Variants in TP53I13 observed in about 807,000 individuals in gnomAD.
TP53I13 encodes tumor protein p53 inducible protein 13, also known as tumor protein p53-inducible protein 13.
In TP53I13, 27 loss-of-function variants were observed where a neutral mutation model predicts 39.1. The ratio of observed to expected loss-of-function variants is 0.69; its 90% CI spans 0.51 to 0.95. TP53I13 has a LOEUF of 0.95. Ranked by LOEUF, TP53I13 falls within the 40% of genes least tolerant of loss-of-function variation. The probability of loss-of-function intolerance (pLI) is 0.00; values close to 1 mark genes in which losing one functional copy is unlikely to be tolerated. For missense variants in TP53I13, 544 were observed against 520.4 expected (o/e 1.05, Z -0.44); for synonymous variants, 230 against 224.6 (o/e 1.02, Z -0.22).
intron 3 of TP53I13, chr17:29,570,528 A>G (rs1209842105): frequency 2.0e-5 from 3 of 151,752 alleles, no homozygotes; most frequent in African/African-American, 4.8e-5. Flanking sequence ...AATTCTCTGT[A>G]ATAGCTCCAG....
the TP53I13 span, among the ~76,000 whole-genome samples, chr17:29,580,592 G>T: frequency 6.6e-6 from 1 of 152,096 alleles, no homozygotes; most frequent in Non-Finnish European, 1.5e-5. Context: ...CAGCCTCAGC[G>T]CACGTGCCTA....
At position 29,572,954 on chromosome 17, in the gene TP53I13, G is replaced by T; in HGVS notation, c.*30G>T. Reference sequence around the variant, plus strand: ...CTGGGACCTGCCACTGTGGCGTGCGGCTCCTCCCCGCGCCGCGAGGCCGCG... The same window carrying T: ...CTGGGACCTGCCACTGTGGCGTGCGTCTCCTCCCCGCGCCGCGAGGCCGCG... On this transcript the variant is annotated 3_prime_UTR_variant, in exon 7 of 7. Coordinates refer to ENST00000301057, the MANE Select transcript of TP53I13 (RefSeq NM_138349.4). The T allele has an allele frequency of 1.4e-6, 2 of 1,380,124 alleles. No individual in the cohort carries two copies. The highest frequency in any genetic ancestry group is 1.9e-6 in the Non-Finnish European group (2 of 1,071,560). The allele number at this position is 1,380,124 out of a possible 1,614,324, so 85.5% of individuals were successfully genotyped here.
At chr17:29,576,551 T>C, downstream of TP53I13, 3 of 1,613,948 alleles carry the variant, frequency 1.9e-6, no homozygotes, top group South Asian at 1.1e-5. Flanking sequence ...AGCTCGTCGC[T>C]CAGGCTACTG....
chr17:29,581,401 C>G, the TP53I13 span: 6 of 1,603,770 alleles, frequency 3.7e-6, no homozygotes, highest in Middle Eastern at 1.7e-4. The surrounding 1 kb of genome is among the most constrained non-coding windows in gnomAD (Gnocchi z 4.8). Context: ...ATAAAAATGC[C>G]AAGTCACTCA....
At chr17:29,566,324 G>A (rs1385573372), upstream of TP53I13, 2 of 1,611,534 alleles carry the variant, frequency 1.2e-6, no homozygotes, top group East Asian at 4.5e-5. Context: ...GCCTCCTTGA[G>A]GTCGGACGGG....
chr17:29,581,296 C>T, the TP53I13 span: 6 of 1,524,258 alleles, frequency 3.9e-6, no homozygotes, highest in Admixed American at 8.3e-5. This position sits in a 1 kb window ranked among gnomAD's most constrained non-coding sequence, Gnocchi z 4.8. Flanking sequence ...ACCCACATGG[C>T]ATCCAACAGC....
chr17:29,566,883 G>T, upstream of TP53I13: 1 of 1,498,088 alleles, frequency 6.7e-7, no homozygotes, highest in South Asian at 1.2e-5. Flanking sequence ...CGCGCCCCCA[G>T]GGTCCCCGGA....
At chr17:29,580,867 A>AC in the TP53I13 span, among the ~76,000 whole-genome samples, 1 of 147,652 alleles carries the variant, frequency 6.8e-6, no homozygotes, top group African/African-American at 2.5e-5. Flanking sequence ...CGCAACCTCT[A>AC]CCTCCTGTGT....
upstream of TP53I13, chr17:29,566,382 G>T (rs1164667895): frequency 3.1e-6 from 5 of 1,610,916 alleles, no homozygotes; most frequent in African/African-American, 1.3e-5. Context: ...AACCGTGGTG[G>T]CCGCGGCGAT....
downstream of TP53I13, chr17:29,576,618 C>G (rs769868883): frequency 1.3e-5 from 21 of 1,613,922 alleles, no homozygotes; most frequent in Non-Finnish European, 1.7e-5. Flanking sequence ...CCTTCTTCAG[C>G]TCCAGGTACT....
the TP53I13 span, chr17:29,581,169 A>C: frequency 1.6e-6 from 1 of 629,712 alleles, no homozygotes; most frequent in Admixed American, 2.5e-5. The surrounding 1 kb of genome is among the most constrained non-coding windows in gnomAD (Gnocchi z 4.8). Context: ...GACATTTTTT[A>C]CCTGCCTTGG....
chr17:29,577,265 C>T (rs200315074), downstream of TP53I13: 1,054 of 1,606,210 alleles, frequency 6.6e-4, 11 homozygotes, highest in South Asian at 5.7e-3. Flanking sequence ...GCAGAAAGGG[C>T]CAGGCTGGCT....
downstream of TP53I13, chr17:29,573,983 T>TC (rs2033085358): frequency 6.6e-6 from 1 of 152,424 alleles, no homozygotes; most frequent in African/African-American, 2.4e-5. Flanking sequence ...CCCATGCTGG[T>TC]CCCACTGCTC....
At chr17:29,580,857 C>T in the TP53I13 span, among the ~76,000 whole-genome samples, 1 of 151,744 alleles carries the variant, frequency 6.6e-6, no homozygotes, top group African/African-American at 2.4e-5. Flanking sequence ...CTCGGCTCAC[C>T]GCAACCTCTA....
At position 29,572,707 on chromosome 17, in the gene TP53I13, T is replaced by G. The variant is rs778638627; in HGVS notation, c.1069+10T>G. 5.2e-6 allele frequency: 8 copies of G among 1,524,928 alleles called. No homozygotes were observed. In the South Asian group the frequency reaches 7.5e-5, roughly 14 times the overall value. The allele number at this position is 1,524,928 out of a possible 1,614,324, so 94.5% of individuals were successfully genotyped here. On this transcript the variant is annotated intron_variant, in intron 6 of 6. Coordinates refer to ENST00000301057, the MANE Select transcript of TP53I13 (RefSeq NM_138349.4). Reference sequence around the variant, plus strand: ...CAGGACACAGTGGCTGGTGAGGAGTTCCCTCCCTACCCTACCCGAGGCCCC... The same window carrying G: ...CAGGACACAGTGGCTGGTGAGGAGTGCCCTCCCTACCCTACCCGAGGCCCC...
At chr17:29,574,538 G>A (rs753392472), downstream of TP53I13, 12 of 692,040 alleles carry the variant, frequency 1.7e-5, no homozygotes, top group Non-Finnish European at 2.6e-5. Flanking sequence ...ATCCTTAGGG[G>A]CTCGACAGGG....
chr17:29,575,797 G>A, downstream of TP53I13: 2 of 1,612,530 alleles, frequency 1.2e-6, no homozygotes, highest in Non-Finnish European at 8.5e-7. The surrounding 1 kb of genome is among the most constrained non-coding windows in gnomAD (Gnocchi z 5.5). Flanking sequence ...TGGGCACTGG[G>A]CATGGAAACA....
At chr17:29,579,286 G>A in the TP53I13 span, 1 of 471,380 alleles carries the variant, frequency 2.1e-6, no homozygotes, top group Non-Finnish European at 3.8e-6. Flanking sequence ...CCTGTTGCCT[G>A]GGCTTTGTAA....
chr17:29,566,615 G>A (rs775304987), upstream of TP53I13: 10 of 1,608,690 alleles, frequency 6.2e-6, no homozygotes, highest in South Asian at 8.8e-5. Flanking sequence ...TCAGGCCCAG[G>A]CGCTACGGGC....
Sources: allele counts gnomAD v4.1 joint callset (sites outside exome capture counted in the v4.1 genomes callset), GRCh38; gene constraint gnomAD v4.1.1; non-coding constraint Gnocchi (gnomAD v3.1); transcripts MANE v1.5; gene names NCBI Gene and HGNC (gene_info 2026-07-23, HGNC 2026-07-21).